Variants in FHL1 observed in about 807,000 individuals in gnomAD.
The protein encoded by FHL1 is four and a half LIM domains protein 1.
FHL1 carries 1 observed loss-of-function variant against 20.3 expected under a neutral mutation model. That is an observed-to-expected ratio of 0.05 (90% CI 0.02 to 0.23). The LOEUF is 0.23. FHL1 is among the 10% of genes least tolerant of loss of function. FHL1 has a pLI of 1.00. For missense variants in FHL1, 177 were observed against 234.0 expected (o/e 0.76, Z 1.59); for synonymous variants, 82 against 88.9 (o/e 0.92, Z 0.44).
intron 1 of FHL1, among the ~76,000 whole-genome samples, chrX:136,151,881 G>A (rs750316716): frequency 3.7e-4 from 41 of 111,991 alleles, no homozygotes; most frequent in African/African-American, 1.3e-3. Context: ...AGAGGTAGAA[G>A]ATCTTGCCTG....
chrX:136,187,375 G>C lies in FHL1; in HGVS notation c.-27+17395G>C, dbSNP rs751712620. Among the ~76,000 whole-genome samples the C allele has an allele frequency of 2.7e-5, 3 of 111,917 alleles. No individual in the cohort carries two copies. The East Asian group carries it at 8.4e-4, about 31-fold the overall frequency. ...AAAGAATGTTCACAGCAGTATTATA[G>C]TGGCTAAAAAGTGGAAATAACCCAA... On this transcript the variant is annotated intron_variant, in intron 2 of 6. Coordinates refer to the FHL1 transcript ENST00000394153.
chrX:136,150,820 G>T (rs1348297679), intron 1 of FHL1, among the ~76,000 whole-genome samples: 1 of 112,075 alleles, frequency 8.9e-6, no homozygotes, highest in Non-Finnish European at 1.9e-5. Flanking sequence ...ATCAAGAATT[G>T]TCTGGAGTTT....
intron 1 of FHL1, among the ~76,000 whole-genome samples, chrX:136,158,323 G>T (rs938806445): frequency 6.2e-5 from 7 of 112,027 alleles, no homozygotes; most frequent in Non-Finnish European, 1.3e-4. Context: ...GCTGCATTGA[G>T]ATGGAGTTTG....
intron 2 of FHL1, among the ~76,000 whole-genome samples, chrX:136,171,495 G>A (rs760405729): frequency 8.9e-6 from 1 of 112,036 alleles, no homozygotes; most frequent in Non-Finnish European, 1.9e-5. Context: ...AAGGGAGAGA[G>A]AAAGATATAA....
intron 1 of FHL1, chrX:136,148,036 T>A (rs1603237367): frequency 1.4e-5 from 1 of 70,454 alleles, no homozygotes; most frequent in African/African-American, 5.5e-5. Flanking sequence ...GGCCCTGGTT[T>A]TGTCACCAAG....
intron 2 of FHL1, among the ~76,000 whole-genome samples, chrX:136,189,027 A>G (rs1487233511): frequency 8.9e-6 from 1 of 111,866 alleles, no homozygotes; most frequent in Non-Finnish European, 1.9e-5. Flanking sequence ...GTTGGCCTTT[A>G]TAGCCAACTT....
chrX:136,206,738 CCA>C, intron 2 of FHL1, 150 bp downstream of exon 2: 1 of 794,518 alleles, frequency 1.3e-6, no homozygotes, highest in Middle Eastern at 4.1e-4. Context: ...ACTCCCCAGG[CCA>C]CAGTGGCCCG....
chrX:136,195,147 G>A (rs769066421), upstream of FHL1, among the ~76,000 whole-genome samples: 1 of 111,956 alleles, frequency 8.9e-6, no homozygotes, highest in South Asian at 3.7e-4. Flanking sequence ...ATATTCTGTT[G>A]TCACTTTTCA....
chrX:136,209,810 C>T (rs2073957682), intron 5 of FHL1, 61 bp from the exon 6 acceptor site: 1 of 1,147,524 alleles, frequency 8.7e-7, no homozygotes, highest in Admixed American at 2.3e-5. Context: ...GTGGTTTCCT[C>T]ACCTGTATTC....
intron 1 of FHL1, chrX:136,169,809 C>T (rs1233331462): frequency 3.0e-6 from 1 of 330,834 alleles, no homozygotes; most frequent in Non-Finnish European, 5.9e-6. Flanking sequence ...TACCATGAGC[C>T]ATTTCATAGG....
At chrX:136,195,078 C>T (rs1169775492), upstream of FHL1, among the ~76,000 whole-genome samples, 2 of 112,291 alleles carry the variant, frequency 1.8e-5, no homozygotes, top group African/African-American at 3.2e-5. Flanking sequence ...TTTGAATTTT[C>T]TCTTGTATTT....
At chrX:136,164,173 C>T (rs1447294205) in intron 1 of FHL1, among the ~76,000 whole-genome samples, 1 of 108,912 alleles carries the variant, frequency 9.2e-6, no homozygotes, top group African/African-American at 3.3e-5. Flanking sequence ...TCCTTTGTTC[C>T]AATTTGTTCT....
chrX:136,183,682 A>T (rs991510155), intron 2 of FHL1, among the ~76,000 whole-genome samples: 2 of 112,154 alleles, frequency 1.8e-5, no homozygotes, highest in African/African-American at 6.5e-5. Flanking sequence ...ATTTCCACAA[A>T]TCAGTTTGGA....
chrX:136,156,706 A>G (rs928264187), intron 1 of FHL1, among the ~76,000 whole-genome samples: 1 of 112,237 alleles, frequency 8.9e-6, no homozygotes, highest in Non-Finnish European at 1.9e-5. Context: ...GCACAAAACT[A>G]AATTTCTATA....
chrX:136,173,885 A>G (rs898784868), intron 2 of FHL1, among the ~76,000 whole-genome samples: 11 of 110,437 alleles, frequency 1.0e-4, no homozygotes, highest in African/African-American at 3.6e-4. Context: ...TTTTTAGTAG[A>G]GACGGGGTTT....
rs1015974045 is a variant in FHL1 at position 136,161,598 on chromosome X, C to T, written c.-100-8309C>T. Among the ~76,000 whole-genome samples the T allele has an allele frequency of 4.5e-5, 5 of 111,883 alleles. No individual in the cohort carries two copies. The Admixed American group carries it at 4.8e-4, about 11-fold the overall frequency. ...GATTATCCCCATAGCAGATAATGGC[C>T]ACATGCGTGCTGATATGAAGGATTT... On this transcript the variant is annotated intron_variant, in intron 1 of 7. Coordinates refer to the FHL1 transcript ENST00000394155.
At chrX:136,151,538 C>G (rs1569528204) in intron 1 of FHL1, among the ~76,000 whole-genome samples, 2 of 111,713 alleles carry the variant, frequency 1.8e-5, no homozygotes, top group Admixed American at 9.5e-5. Flanking sequence ...ATGGCAAAAT[C>G]CTGTCTCTAC....
intron 2 of FHL1, among the ~76,000 whole-genome samples, chrX:136,177,221 A>C (rs2073030816): frequency 9.0e-6 from 1 of 111,704 alleles, no homozygotes; most frequent in Admixed American, 9.5e-5. Context: ...CAGGATTATA[A>C]ATTTGCACAC....
intron 2 of FHL1, among the ~76,000 whole-genome samples, chrX:136,175,317 A>G (rs1053516506): frequency 2.7e-5 from 3 of 112,701 alleles, no homozygotes; most frequent in Admixed American, 9.4e-5. Flanking sequence ...AGAAAACACA[A>G]TGTTAATATG....
Sources: gnomAD v4.1 joint callset for allele counts (sites outside exome capture counted in the v4.1 genomes callset) on GRCh38, gnomAD v4.1.1 for gene constraint, MANE v1.5 for transcripts, NCBI Gene and HGNC (gene_info 2026-07-23, HGNC 2026-07-21) for gene names.